Variants in MRPS6 observed in about 807,000 individuals in gnomAD.
MRPS6 encodes the protein small ribosomal subunit protein bS6m.
Under a neutral mutation model 13.1 loss-of-function variants are expected in MRPS6, and 6 were observed. The observed-to-expected ratio is 0.46, with a 90% confidence interval of 0.25 to 0.91. The LOEUF (loss-of-function observed/expected upper bound fraction) is 0.91. MRPS6 is among the 40% of genes least tolerant of loss of function. The pLI is 0.18. For synonymous variants in MRPS6, 61 were observed against 56.5 expected, an observed-to-expected ratio of 1.08 and a Z score of -0.36; for missense variants, 164 against 155.6, an observed-to-expected ratio of 1.05 and a Z score of -0.29.
At chr21:34,095,093 G>A in intron 1 of MRPS6, 2 of 1,448,538 alleles carry the variant, frequency 1.4e-6, no homozygotes, top group East Asian at 2.3e-5. Flanking sequence ...GTTGCTCTGT[G>A]TAGTCCAGTT....
At chr21:34,139,009 A>AC (rs1301513435) in intron 2 of MRPS6, among the ~76,000 whole-genome samples, 1 of 142,136 alleles carries the variant, frequency 7.0e-6, no homozygotes, top group African/African-American at 3.0e-5. Flanking sequence ...ATGCAGCCAT[A>AC]AAAATGATGA....
intron 1 of MRPS6, among the ~76,000 whole-genome samples, chr21:34,078,463 A>G (rs1989385113): frequency 6.6e-6 from 1 of 152,054 alleles, no homozygotes; most frequent in African/African-American, 2.4e-5. Flanking sequence ...GCTTGTCAGA[A>G]GTTGACATTT....
intron 2 of MRPS6, among the ~76,000 whole-genome samples, chr21:34,136,406 C>T (rs946357333): frequency 6.6e-5 from 10 of 152,182 alleles, no homozygotes; most frequent in African/African-American, 2.4e-4. Flanking sequence ...CTTCGGCCTC[C>T]CAAAGTGCTG....
At chr21:34,106,733 A>G (rs1410239156) in intron 1 of MRPS6, among the ~76,000 whole-genome samples, 7 of 152,196 alleles carry the variant, frequency 4.6e-5, no homozygotes, top group Non-Finnish European at 1.0e-4. Flanking sequence ...AAGAACAGTC[A>G]CTCATAGTTA....
At chr21:34,136,316 T>G (rs1006135927) in intron 2 of MRPS6, among the ~76,000 whole-genome samples, 1 of 151,892 alleles carries the variant, frequency 6.6e-6, no homozygotes, top group African/African-American at 2.4e-5. Context: ...CCTGGCTAAT[T>G]TTTGTATTTT....
chr21:34,099,812 C>A, intron 1 of MRPS6: 3 of 670,688 alleles, frequency 4.5e-6, no homozygotes, highest in Non-Finnish European at 5.7e-6. Flanking sequence ...TTTATTCTTG[C>A]CAGTATAAAC....
At chr21:34,136,865 T>C (rs1980722044) in intron 2 of MRPS6, among the ~76,000 whole-genome samples, 3 of 152,234 alleles carry the variant, frequency 2.0e-5, no homozygotes, top group South Asian at 4.1e-4. Flanking sequence ...TTCTAAGTTT[T>C]ATAGCTTTAT....
intron 1 of MRPS6, among the ~76,000 whole-genome samples, chr21:34,074,327 G>C (rs1347743354): frequency 6.6e-6 from 1 of 152,188 alleles, no homozygotes; most frequent in Non-Finnish European, 1.5e-5. Context: ...TCGCTCTCAT[G>C]TTAAAAAAAA....
chr21:34,073,785 C>A (rs375691852), intron 1 of MRPS6, 40 bp downstream of exon 1: 4 of 1,425,886 alleles, frequency 2.8e-6, no homozygotes, highest in Non-Finnish European at 2.8e-6. Context: ...CCCGCGCGGG[C>A]GCCCCCGCTG....
chr21:34,129,577 C>A (rs528977412), intron 2 of MRPS6, among the ~76,000 whole-genome samples: 2 of 152,158 alleles, frequency 1.3e-5, no homozygotes, highest in Non-Finnish European at 2.9e-5. Flanking sequence ...CTTCTATTTA[C>A]GGGTAAGCAG....
At chr21:34,119,359 T>G (rs374422406) in intron 1 of MRPS6, among the ~76,000 whole-genome samples, 3 of 152,336 alleles carry the variant, frequency 2.0e-5, no homozygotes, top group African/African-American at 7.2e-5. Flanking sequence ...CAGATTGCTG[T>G]GAGAATGTCA....
At chr21:34,111,032 A>G (rs527923637) in intron 1 of MRPS6, among the ~76,000 whole-genome samples, 1 of 152,280 alleles carries the variant, frequency 6.6e-6, no homozygotes, top group East Asian at 1.9e-4. Flanking sequence ...TAGACAGCCA[A>G]AGGACCCTTG....
At chr21:34,116,176 TTTTGTGTGTGTGTG>T (rs1389543974) in intron 1 of MRPS6, among the ~76,000 whole-genome samples, 2 of 81,212 alleles carry the variant, frequency 2.5e-5, no homozygotes, top group African/African-American at 8.5e-5. Flanking sequence ...GCCCAGCTAA[TTTTGTGTGTGTGTG>T]TGTGTGTGTG....
chr21:34,124,876 A>G (rs772026941), intron 1 of MRPS6: 101 of 154,188 alleles, frequency 6.6e-4, no homozygotes, highest in Non-Finnish European at 1.3e-3. Flanking sequence ...ACAGTCTCCC[A>G]GTTTTTCTTT....
At position 34,099,535 on chromosome 21, in the gene MRPS6, T is replaced by C. The variant is rs542465073; in HGVS notation, c.45+25790T>C. 4.5e-4 allele frequency: 447 copies of C among 999,616 alleles called. 1 individual carries two copies. In the African/African-American group the frequency reaches 7.0e-3, roughly 16 times the overall value. 61.9% of individuals were successfully genotyped at this position (999,616 alleles called of 1,614,324 possible). A position where few individuals can be genotyped will look rare whatever the true frequency, so the allele number is the denominator to read the frequency against. ...ACCACATTACTGTGTAATTCACTGA[T>C]AATTGACATATTGGCTGGGCAGCCT... On this transcript the variant is annotated intron_variant, in intron 1 of 2. Transcript: ENST00000399312.
chr21:34,128,598 A>C (rs1980390496), intron 2 of MRPS6, among the ~76,000 whole-genome samples: 1 of 152,228 alleles, frequency 6.6e-6, no homozygotes, highest in South Asian at 2.1e-4. Flanking sequence ...GTCAGACTCC[A>C]CTTTAGAAAC....
At chr21:34,141,678 G>A (rs1410553980) in intron 2 of MRPS6, among the ~76,000 whole-genome samples, 1 of 152,162 alleles carries the variant, frequency 6.6e-6, no homozygotes, top group Non-Finnish European at 1.5e-5. Context: ...TACAAGGGAG[G>A]CTTAACCTTT....
intron 1 of MRPS6, chr21:34,098,171 G>C (rs527477842): frequency 1.0e-6 from 1 of 999,824 alleles, no homozygotes; most frequent in South Asian, 4.7e-5. Flanking sequence ...TATATAGTTT[G>C]GAAATGACCA....
rs566225776 is a variant in MRPS6, at chr21:34,094,432, C to T, written c.45+20687C>T. On this transcript the variant is annotated intron_variant, in intron 1 of 2. Transcript: ENST00000399312. ...GGACCCTAACTGGCCATAAAGTTAC[C>T]CCCAAACTCTCTTAGGATTCATAGT... Among the ~76,000 whole-genome samples the T allele has an allele frequency of 2.0e-5, 3 of 152,242 alleles. No homozygotes were observed. The East Asian group carries it at 5.8e-4, about 29-fold the overall frequency.
Sources: allele counts gnomAD v4.1 joint callset (sites outside exome capture counted in the v4.1 genomes callset), GRCh38; gene constraint gnomAD v4.1.1; transcripts MANE v1.5; gene names NCBI Gene and HGNC (gene_info 2026-07-23, HGNC 2026-07-21).